BPTF: variants seen among roughly 807,000 people sequenced by gnomAD.
BPTF encodes bromodomain PHD finger transcription factor, also known as nucleosome-remodeling factor subunit BPTF.
Under a neutral mutation model 292.5 loss-of-function variants are expected in BPTF, and 18 were observed. The ratio of observed to expected loss-of-function variants is 0.06; its 90% confidence interval spans 0.04 to 0.09. The LOEUF is 0.09. Among genes scored for constraint, BPTF ranks in the 10% least tolerant of loss-of-function variants. BPTF has a pLI of 1.00. For synonymous variants in BPTF, 1,225 were observed against 1,251.9 expected, an observed-to-expected ratio of 0.98 and a Z score of 0.45; for missense variants, 2,726 against 3,498.7, an observed-to-expected ratio of 0.78 and a Z score of 5.57.
intron 3 of BPTF, among the ~76,000 whole-genome samples, chr17:67,869,136 A>G (rs957477092): frequency 3.9e-5 from 6 of 152,194 alleles, no homozygotes; most frequent in African/African-American, 1.4e-4. Flanking sequence ...CCTTTTATGA[A>G]TCATGGCATT....
intron 1 of BPTF, among the ~76,000 whole-genome samples, chr17:67,849,295 A>G (rs915851412): frequency 6.6e-6 from 1 of 152,226 alleles, no homozygotes; most frequent in Non-Finnish European, 1.5e-5. Context: ...ATTTCAGGGC[A>G]GCTTTTCAAA....
intron 4 of BPTF, among the ~76,000 whole-genome samples, chr17:67,877,120 T>G (rs545514028): frequency 1.3e-5 from 2 of 152,350 alleles, no homozygotes; most frequent in South Asian, 2.1e-4. Flanking sequence ...TTTGGTACTT[T>G]TGTAAAGTAG....
rs755195965 is a variant in BPTF, at chr17:67,911,557, G to C, written c.3673G>C (p.Asp1225His). 16 of 1,614,118 alleles carry C rather than the reference G, an allele frequency of 9.9e-6. No homozygotes were observed. Among genetic ancestry groups the C allele is most frequent in the Non-Finnish European group, 1.4e-5 (16 of 1,180,020 alleles). ...TGACTCTAAACTAGCCAGTGCAGATGATATTGGTACTTTGATCTGTAAGAA... is the reference window on the plus strand; with the variant it reads ...TGACTCTAAACTAGCCAGTGCAGATCATATTGGTACTTTGATCTGTAAGAA... ...IDDSKLASAD[D>H]IGTLICKNKK... Residue 1225 changes from aspartate (D) to histidine (H), a missense_variant, in exon 11 of 28, where the codon GAT (aspartate) becomes CAT (histidine). Around this residue, in one of 22 missense-constraint regions of BPTF, gnomAD observed 713 missense variants for 714.9 expected, o/e 1.00. Transcript: ENST00000306378.
chr17:67,854,451 T>C lies in BPTF; in HGVS notation c.1125T>C (p.Asn375=). 1 of 1,614,182 alleles carries C rather than the reference T, an allele frequency of 6.2e-7. No homozygotes were observed. The change falls in exon 2 of 28, where the codon AAT becomes AAC. Residue 375 remains asparagine (N), a synonymous_variant. Coordinates refer to ENST00000306378, the MANE Select transcript of BPTF (RefSeq NM_182641.4). The surrounding 1 kb of genome is among the most constrained non-coding windows in gnomAD (Gnocchi z 5.6). ...QFLVDQFLTT[N]IAREELMSEG... ...TAGTCGATCAGTTTCTTACAACAAA[T>C]ATTGCTCGAGAGGAATTGATGTCTG...
intron 2 of BPTF, among the ~76,000 whole-genome samples, chr17:67,861,955 C>T (rs963764216): frequency 6.6e-6 from 1 of 152,090 alleles, no homozygotes; most frequent in African/African-American, 2.4e-5. Context: ...TTTTAAAACA[C>T]CCATCCTACC....
At chr17:67,839,320 T>TC (rs1221006551) in intron 1 of BPTF, among the ~76,000 whole-genome samples, 1 of 152,100 alleles carries the variant, frequency 6.6e-6, no homozygotes. Context: ...CTCTTTTTTT[T>TC]CCTAAGTTTT....
intron 3 of BPTF, among the ~76,000 whole-genome samples, chr17:67,868,150 A>G (rs1466821108): frequency 6.6e-6 from 1 of 152,000 alleles, no homozygotes; most frequent in Non-Finnish European, 1.5e-5. Flanking sequence ...TTGTTACTCA[A>G]CTCTTTATTT....
intron 24 of BPTF, among the ~76,000 whole-genome samples, chr17:67,963,827 A>G (rs1225525598): frequency 1.3e-5 from 2 of 152,190 alleles, no homozygotes; most frequent in Non-Finnish European, 2.9e-5. Context: ...ATGGTGCTTT[A>G]TTGTAGGTTA....
intron 1 of BPTF, among the ~76,000 whole-genome samples, chr17:67,850,063 G>A (rs1343212680): frequency 6.6e-6 from 1 of 152,130 alleles, no homozygotes; most frequent in East Asian, 1.9e-4. Context: ...ATTTACTTAC[G>A]TAGAAATCAA....
rs2065750190 is a variant in BPTF, at chr17:67,945,610, C to T, written c.6902C>T (p.Thr2301Ile). Reference sequence around the variant, plus strand: ...GTTCAGACTCAGCCTGAAGTTCAGACCCAAACAACTGTTTCATCCCATGTC... The same window carrying T: ...GTTCAGACTCAGCCTGAAGTTCAGATCCAAACAACTGTTTCATCCCATGTC... ...PEVQTQPEVQ[T>I]QTTVSSHVPS... Residue 2301 changes from threonine (T) to isoleucine (I), a missense_variant, in exon 21 of 28, where the codon ACC becomes ATC. Coordinates refer to ENST00000306378, the MANE Select transcript of BPTF (RefSeq NM_182641.4). The T allele has an allele frequency of 1.2e-6, 2 of 1,613,172 alleles. No homozygotes were observed. The highest frequency in any genetic ancestry group is 1.1e-5 in the South Asian group (1 of 90,960).
chr17:67,839,187 T>TAAAAAAAAAAAAAAAAAAAAAA (rs1567870364), intron 1 of BPTF, among the ~76,000 whole-genome samples: 2 of 151,408 alleles, frequency 1.3e-5, no homozygotes, highest in African/African-American at 4.9e-5. Flanking sequence ...AAAGCAATGT[T>TAAAAAAAAAAAAAAAAAAAAAA]AAATGTTAGT....
chr17:67,963,870 C>G lies in BPTF; in HGVS notation c.8262-342C>G, dbSNP rs565616591. 2.6e-5 allele frequency among the ~76,000 whole-genome samples: 4 copies of G among 152,272 alleles called. No homozygotes were observed. In the South Asian group the frequency reaches 8.3e-4, roughly 32 times the overall value. ...ACTAATTTGGGTACAAGCTCTGAGA[C>G]TCTGTTATTAGCTTATAGGATTTTG... is the stretch of plus-strand genomic sequence containing the variant. On this transcript the variant is annotated intron_variant, in intron 24 of 27. Coordinates refer to ENST00000306378, the MANE Select transcript of BPTF (RefSeq NM_182641.4).
intron 7 of BPTF, among the ~76,000 whole-genome samples, chr17:67,900,116 G>A (rs1341172212): frequency 6.6e-6 from 1 of 151,930 alleles, no homozygotes; most frequent in Non-Finnish European, 1.5e-5. Flanking sequence ...GTGTGTCTGT[G>A]TGTTTTGAGA....
chr17:67,884,311 G>C (rs1017649217), intron 4 of BPTF, among the ~76,000 whole-genome samples: 1 of 151,668 alleles, frequency 6.6e-6, no homozygotes, highest in African/African-American at 2.4e-5. Context: ...TCACCATGTT[G>C]GCCAGGCTGC....
intron 23 of BPTF, among the ~76,000 whole-genome samples, chr17:67,948,814 C>G (rs1177207057): frequency 6.6e-6 from 1 of 152,122 alleles, no homozygotes; most frequent in East Asian, 1.9e-4. Context: ...ATGGCGAGAC[C>G]TCATCCCTAC....
intron 1 of BPTF, among the ~76,000 whole-genome samples, chr17:67,835,050 A>G (rs940138542): frequency 2.0e-5 from 3 of 152,080 alleles, no homozygotes; most frequent in African/African-American, 7.2e-5. Flanking sequence ...TGTCTTTACA[A>G]AAGAATTAAA....
intron 18 of BPTF, among the ~76,000 whole-genome samples, chr17:67,939,095 T>C (rs2065159844): frequency 6.6e-6 from 1 of 152,224 alleles, no homozygotes; most frequent in Non-Finnish European, 1.5e-5. Context: ...CTTAGTACTA[T>C]ATTCCTACTA....
chr17:67,936,700 G>A (rs1041402028), intron 18 of BPTF: 14 of 152,166 alleles, frequency 9.2e-5, no homozygotes, highest in African/African-American at 3.4e-4. Context: ...ATGAAAGTCT[G>A]CCTTAAACGA....
intron 9 of BPTF, among the ~76,000 whole-genome samples, chr17:67,907,286 G>T (rs1289238045): frequency 6.7e-6 from 1 of 148,608 alleles, no homozygotes; most frequent in Non-Finnish European, 1.5e-5. Context: ...ATTATTATGG[G>T]AAATTTAAAA....
Sources: gnomAD v4.1 joint callset for allele counts (sites outside exome capture counted in the v4.1 genomes callset) on GRCh38, gnomAD v4.1.1 for gene constraint, gnomAD v4.1.1 regional missense constraint, Gnocchi (gnomAD v3.1) non-coding constraint, MANE v1.5 for transcripts, NCBI Gene and HGNC (gene_info 2026-07-23, HGNC 2026-07-21) for gene names.